SUCO: variants seen among roughly 807,000 people sequenced by gnomAD.
The protein encoded by SUCO is SUN domain containing ossification factor.
Under a neutral mutation model 148.1 loss-of-function variants are expected in SUCO, and 57 were observed. The observed-to-expected ratio is 0.38, with a 90% CI of 0.31 to 0.48. SUCO has a LOEUF of 0.48. Ranked by LOEUF, SUCO falls within the 20% of genes least tolerant of loss-of-function variation. SUCO has a pLI of 0.96. For synonymous variants in SUCO, 470 were observed against 502.7 expected, an observed-to-expected ratio of 0.93 and a Z score of 0.87; for missense variants, 1,331 against 1,468.2, an observed-to-expected ratio of 0.91 and a Z score of 1.53.
At chr1:172,569,620 A>C (rs930029328) in intron 7 of SUCO, 1 of 538,168 alleles carries the variant, frequency 1.9e-6, no homozygotes, top group African/African-American at 2.1e-5. Context: ...ATGGGTTATT[A>C]GGTGCAGCAC....
At chr1:172,572,410 G>C (rs184808179) in intron 9 of SUCO, among the ~76,000 whole-genome samples, 1 of 151,988 alleles carries the variant, frequency 6.6e-6, no homozygotes, top group East Asian at 1.9e-4. Flanking sequence ...CCCCAACCCT[G>C]TGCTCCCTGA....
intron 1 of SUCO, 136 bp from the exon 2 acceptor site, chr1:172,551,376 G>T: frequency 2.2e-6 from 1 of 451,860 alleles, no homozygotes; most frequent in Non-Finnish European, 4.0e-6. Context: ...ATTGTTAAAA[G>T]GTATTAGGAT....
At chr1:172,580,436 TA>T (rs1389524317) in intron 15 of SUCO, among the ~76,000 whole-genome samples, 2 of 152,236 alleles carry the variant, frequency 1.3e-5, no homozygotes, top group African/African-American at 4.8e-5. Flanking sequence ...GCTATCTAGT[TA>T]TTGATATAAA....
At chr1:172,604,744 C>A (rs2149272380) in intron 22 of SUCO, among the ~76,000 whole-genome samples, 1 of 151,912 alleles carries the variant, frequency 6.6e-6, no homozygotes, top group Admixed American at 6.6e-5. Context: ...ACTTCAGATA[C>A]CCCATATAAG....
intron 9 of SUCO, among the ~76,000 whole-genome samples, chr1:172,571,613 G>GGA (rs1430793924): frequency 7.2e-6 from 1 of 139,400 alleles, no homozygotes; most frequent in Non-Finnish European, 1.6e-5. Context: ...TAGGAAGTGA[G>GGA]GAGCGCCTCT....
rs1209762770 is a variant in SUCO at position 172,585,163 on chromosome 1, G to C, written c.1567+77G>C. 3 of 1,159,790 alleles carry C rather than the reference G, an allele frequency of 2.6e-6. No homozygotes were observed. In the African/African-American group the frequency reaches 4.7e-5, roughly 18 times the overall value. 71.8% of individuals were successfully genotyped at this position (1,159,790 alleles called of 1,614,324 possible). On this transcript the variant is annotated intron_variant, in intron 16 of 23. Transcript: ENST00000263688. ...TATATTTAGGAAAATCAAGTAATGA[G>C]TTAAGAAAATTTGATTGTTTACATT...
At chr1:172,574,203 TA>T (rs1655256065) in intron 10 of SUCO, among the ~76,000 whole-genome samples, 1 of 152,102 alleles carries the variant, frequency 6.6e-6, no homozygotes, top group African/African-American at 2.4e-5. Flanking sequence ...GCTTTAAACA[TA>T]ACCATATGAT....
chr1:172,598,559 A>G (rs1657283396), intron 19 of SUCO, among the ~76,000 whole-genome samples: 1 of 152,218 alleles, frequency 6.6e-6, no homozygotes, highest in Non-Finnish European at 1.5e-5. Flanking sequence ...CTTCTGACTC[A>G]TGAACGCAGT....
intron 6 of SUCO, among the ~76,000 whole-genome samples, chr1:172,562,114 C>G (rs1351676243): frequency 1.3e-5 from 2 of 152,126 alleles, no homozygotes; most frequent in African/African-American, 4.8e-5. Context: ...GAGGAAAACA[C>G]TGCTCCCACA....
Position 172,563,814 on chromosome 1 carries a change from C to T in SUCO, c.733-5205C>T, listed in dbSNP as rs77721309. On this transcript the variant is annotated intron_variant, in intron 6 of 23. Transcript: ENST00000263688. Reference sequence around the variant, plus strand: ...GGAAATGCTTTTAGGGCATTTCAGGCACCTTCATGGCAGCCCCTCCCATCG... The same window carrying T: ...GGAAATGCTTTTAGGGCATTTCAGGTACCTTCATGGCAGCCCCTCCCATCG... Among the ~76,000 whole-genome samples, 1,353 of 152,264 alleles carry T rather than the reference C, an allele frequency of 8.9e-3. 11 individuals carry two copies. The highest frequency in any genetic ancestry group is 0.012 in the Non-Finnish European group (809 of 68,024).
intron 17 of SUCO, among the ~76,000 whole-genome samples, chr1:172,587,348 C>A (rs892792500): frequency 6.6e-6 from 1 of 151,788 alleles, no homozygotes; most frequent in Non-Finnish European, 1.5e-5. Flanking sequence ...TTTTCTTTTC[C>A]TAGGTTTTAG....
At chr1:172,595,060 T>C (rs1558209396) in intron 19 of SUCO, among the ~76,000 whole-genome samples, 1 of 152,250 alleles carries the variant, frequency 6.6e-6, no homozygotes. Flanking sequence ...TCTCTTTTGA[T>C]CTTTGTTGGT....
intron 19 of SUCO, among the ~76,000 whole-genome samples, chr1:172,596,923 C>A (rs547905939): frequency 6.6e-6 from 1 of 152,238 alleles, no homozygotes; most frequent in Non-Finnish European, 1.5e-5. Context: ...CCTTGAGCTG[C>A]GCTGGGCTCC....
At chr1:172,581,960 T>G (rs1558198313) in intron 15 of SUCO, among the ~76,000 whole-genome samples, 1 of 152,238 alleles carries the variant, frequency 6.6e-6, no homozygotes, top group Non-Finnish European at 1.5e-5. Flanking sequence ...CATTCTTGGC[T>G]TTGTGTGTAT....
At chr1:172,600,238 A>G in intron 20 of SUCO, 70 bp downstream of exon 20, 1 of 1,094,000 alleles carries the variant, frequency 9.1e-7, no homozygotes, top group Non-Finnish European at 1.3e-6. Context: ...AGGCTTGTTA[A>G]CATGAACATG....
chr1:172,543,888 C>G (rs1652678642), intron 1 of SUCO, among the ~76,000 whole-genome samples: 1 of 152,048 alleles, frequency 6.6e-6, no homozygotes, highest in African/African-American at 2.4e-5. Flanking sequence ...GAGCTCCAGA[C>G]TGATACGTGG....
At chr1:172,559,308 G>A (rs1397603671) in intron 6 of SUCO, among the ~76,000 whole-genome samples, 2 of 152,210 alleles carry the variant, frequency 1.3e-5, no homozygotes, top group Non-Finnish European at 2.9e-5. Context: ...GCTTCAAAGG[G>A]TAAATGTATG....
Position 172,594,699 on chromosome 1 carries a change from G to T in SUCO, c.2913+3628G>T, listed in dbSNP as rs148223863. Reference sequence around the variant, plus strand: ...TTTGCTGAGGAGTGCTTTACCTCCAGCTATGTGGTCAATTTTGGAATAATT... The same window carrying T: ...TTTGCTGAGGAGTGCTTTACCTCCATCTATGTGGTCAATTTTGGAATAATT... On this transcript the variant is annotated intron_variant, in intron 19 of 23. Transcript: ENST00000263688. Among the ~76,000 whole-genome samples the T allele has an allele frequency of 4.2e-3, 636 of 152,178 alleles. 4 individuals carry two copies. Among genetic ancestry groups the T allele is most frequent in the South Asian group, 0.018 (87 of 4,812 alleles).
Position 172,557,266 on chromosome 1 carries a change from G to A in SUCO, c.444-14G>A. ...ATTTAATTACCAGATTATGTTTCTT[G>A]TTTCTTTTTTTAGTGAAATAGAAAA... On this transcript the variant is annotated splice_polypyrimidine_tract_variant and intron_variant, in intron 4 of 23. Transcript: ENST00000263688. 6.2e-7 allele frequency: 1 copy of A among 1,609,062 alleles called. No individual in the cohort carries two copies. Among genetic ancestry groups the A allele is most frequent in the African/African-American group, 1.3e-5 (1 of 74,732 alleles).
Sources: allele counts gnomAD v4.1 joint callset (sites outside exome capture counted in the v4.1 genomes callset), GRCh38; gene constraint gnomAD v4.1.1; transcripts MANE v1.5; gene names NCBI Gene and HGNC (gene_info 2026-07-23, HGNC 2026-07-21).